ADAMTS12: variants seen among roughly 807,000 people sequenced by gnomAD.
The protein encoded by ADAMTS12 is ADAM metallopeptidase with thrombospondin type 1 motif 12, also known as A disintegrin and metalloproteinase with thrombospondin motifs 12.
ADAMTS12 carries 118 observed loss-of-function variants against 167.8 expected under a neutral mutation model. The observed-to-expected ratio is 0.70, with a 90% confidence interval of 0.61 to 0.82. The LOEUF is 0.82. Ranked by LOEUF, ADAMTS12 falls within the 40% of genes least tolerant of loss-of-function variation. The pLI, the probability that ADAMTS12 is intolerant of heterozygous loss-of-function variation, is 0.00. For synonymous variants in ADAMTS12, 704 were observed against 716.9 expected (o/e 0.98, Z 0.29); for missense variants, 1,916 against 1,998.8 (o/e 0.96, Z 0.79).
Position 33,539,263 on chromosome 5 carries a change from A to G in ADAMTS12, c.4447-4271T>C, listed in dbSNP as rs138314916. On this transcript the variant is annotated intron_variant, in intron 22 of 23. Transcript: ENST00000504830. ...GGCCACAATTTTCTTTATTTTCAGT[A>G]TTGCTGATAGAGTGTTATTTATGCA... Among the ~76,000 whole-genome samples the G allele has an allele frequency of 2.0e-3, 301 of 152,282 alleles. 2 individuals carry two copies. The highest frequency in any genetic ancestry group is 6.6e-3 in the Admixed American group (101 of 15,292).
At chr5:33,614,830 A>G (rs1738907685) in intron 15 of ADAMTS12, among the ~76,000 whole-genome samples, 1 of 152,220 alleles carries the variant, frequency 6.6e-6, no homozygotes, top group Admixed American at 6.5e-5. Context: ...GCCTATTTGT[A>G]GGATTGTTGT....
At position 33,525,374 on chromosome 5, in the gene ADAMTS12, C is replaced by T. The variant is rs1743767321; in HGVS notation, c.*1814G>A. ...GTTTCTGGTCTATCTTGAATTTCAT[C>T]CCAATCCCACTGTTTTATTTTTCAC... On this transcript the variant is annotated 3_prime_UTR_variant, in exon 24 of 24. Transcript: ENST00000504830. The T allele has an allele frequency of 6.6e-6, 1 of 152,180 alleles. No individual in the cohort carries two copies. The highest frequency in any genetic ancestry group is 6.5e-5 in the Admixed American group (1 of 15,274). The allele number at this position is 152,180 out of a possible 1,614,324, so 9.4% of individuals were successfully genotyped here. A position where few individuals can be genotyped will look rare whatever the true frequency, so the allele number is the denominator to read the frequency against.
chr5:33,677,724 ACTGT>A (rs1741972252), intron 5 of ADAMTS12, among the ~76,000 whole-genome samples: 1 of 152,164 alleles, frequency 6.6e-6, no homozygotes, highest in Non-Finnish European at 1.5e-5. Context: ...ATCTGAACTC[ACTGT>A]CTGTTTTCTT....
At chr5:33,750,668 G>A (rs1260589437) in intron 3 of ADAMTS12, among the ~76,000 whole-genome samples, 3 of 152,122 alleles carry the variant, frequency 2.0e-5, no homozygotes, top group African/African-American at 4.8e-5. Context: ...TCCCAATCCC[G>A]ATAAACTAAT....
chr5:33,694,995 C>A (rs2055468680), intron 3 of ADAMTS12, among the ~76,000 whole-genome samples: 1 of 152,148 alleles, frequency 6.6e-6, no homozygotes, highest in Non-Finnish European at 1.5e-5. Flanking sequence ...CTTGGATATC[C>A]ATCTAGGGTC....
chr5:33,549,140 C>T (rs1745124545), intron 21 of ADAMTS12, 67 bp downstream of exon 21: 2 of 1,551,730 alleles, frequency 1.3e-6, no homozygotes, highest in African/African-American at 1.4e-5. Context: ...TACACTTATG[C>T]AGTAACACAG....
chr5:33,582,123 G>C (rs1299279655), intron 18 of ADAMTS12, among the ~76,000 whole-genome samples: 1 of 152,254 alleles, frequency 6.6e-6, no homozygotes, highest in Non-Finnish European at 1.5e-5. Context: ...GCCCTCGGGA[G>C]CTAAGATAAT....
At chr5:33,768,056 T>C (rs1037638863) in intron 2 of ADAMTS12, among the ~76,000 whole-genome samples, 32 of 152,176 alleles carry the variant, frequency 2.1e-4, no homozygotes, top group African/African-American at 6.5e-4. Context: ...TTTTTAAAGC[T>C]GTTAAAAAAA....
At chr5:33,875,944 A>G (rs1750210574) in intron 2 of ADAMTS12, among the ~76,000 whole-genome samples, 1 of 152,226 alleles carries the variant, frequency 6.6e-6, no homozygotes, top group African/African-American at 2.4e-5. Context: ...CTTAGGGTTA[A>G]TAAGACAGTT....
At chr5:33,596,549 G>T (rs777257250) in intron 16 of ADAMTS12, among the ~76,000 whole-genome samples, 1 of 152,182 alleles carries the variant, frequency 6.6e-6, no homozygotes. Flanking sequence ...GGGTGTGTTG[G>T]TGGGCTCCTG....
At chr5:33,530,875 G>A (rs1744062012) in intron 23 of ADAMTS12, among the ~76,000 whole-genome samples, 1 of 152,202 alleles carries the variant, frequency 6.6e-6, no homozygotes, top group Non-Finnish European at 1.5e-5. Context: ...CCTTTGAAAT[G>A]TACCCCAGAG....
At chr5:33,729,712 G>A (rs1402760864) in intron 3 of ADAMTS12, among the ~76,000 whole-genome samples, 5 of 152,206 alleles carry the variant, frequency 3.3e-5, no homozygotes, top group Non-Finnish European at 7.3e-5. Context: ...ATCACCCGAT[G>A]CCTCTGGGAT....
chr5:33,526,886 A>G lies in ADAMTS12; in HGVS notation c.*302T>C, dbSNP rs16891280. 2,949 of 291,564 alleles carry G rather than the reference A, an allele frequency of 0.01. 79 individuals are homozygous for G. The highest frequency in any genetic ancestry group is 0.059 in the African/African-American group (2,770 of 46,626). 18.1% of individuals were successfully genotyped at this position (291,564 alleles called of 1,614,324 possible). ...TCTTTGTTTTTATCTTTAAGGGAGAACAAAAATACAGTATTTCACAAATCT... is the reference window on the plus strand; with the variant it reads ...TCTTTGTTTTTATCTTTAAGGGAGAGCAAAAATACAGTATTTCACAAATCT... On this transcript the variant is annotated 3_prime_UTR_variant, in exon 24 of 24. Transcript: ENST00000504830.
intron 5 of ADAMTS12, among the ~76,000 whole-genome samples, chr5:33,676,972 C>A (rs547820573): frequency 1.1e-4 from 16 of 152,252 alleles, no homozygotes; most frequent in African/African-American, 3.8e-4. Flanking sequence ...TACTGCTGTA[C>A]CTTCAAGCCC....
chr5:33,647,459 A>G (rs2112186812), intron 9 of ADAMTS12, among the ~76,000 whole-genome samples: 1 of 152,288 alleles, frequency 6.6e-6, no homozygotes, highest in South Asian at 2.1e-4. Flanking sequence ...GGCTGGGCAC[A>G]GTGGTTCATT....
At chr5:33,624,648 A>G (rs1195104871) in intron 13 of ADAMTS12, among the ~76,000 whole-genome samples, 1 of 152,214 alleles carries the variant, frequency 6.6e-6, no homozygotes, top group Non-Finnish European at 1.5e-5. Flanking sequence ...TAACTATGAA[A>G]ACATCTTGGA....
intron 1 of ADAMTS12, among the ~76,000 whole-genome samples, chr5:33,888,651 G>A (rs192866341): frequency 1.9e-4 from 29 of 152,302 alleles, no homozygotes; most frequent in African/African-American, 6.0e-4. Flanking sequence ...TGACTGTCCT[G>A]TTGATTTCAC....
At chr5:33,803,182 C>T (rs1246143121) in intron 2 of ADAMTS12, among the ~76,000 whole-genome samples, 1 of 152,074 alleles carries the variant, frequency 6.6e-6, no homozygotes, top group African/African-American at 2.4e-5. Flanking sequence ...TCTCCAAACT[C>T]GCCCATAAAA....
At chr5:33,867,619 T>TATAC (rs797002436) in intron 2 of ADAMTS12, among the ~76,000 whole-genome samples, 5 of 151,364 alleles carry the variant, frequency 3.3e-5, no homozygotes, top group African/African-American at 1.2e-4. Flanking sequence ...GAAATAAAAA[T>TATAC]ACACACACAC....
Sources: allele counts gnomAD v4.1 joint callset (sites outside exome capture counted in the v4.1 genomes callset), GRCh38; gene constraint gnomAD v4.1.1; transcripts MANE v1.5; gene names NCBI Gene and HGNC (gene_info 2026-07-23, HGNC 2026-07-21).